POLA1: variants seen among roughly 807,000 people sequenced by gnomAD.
The protein encoded by POLA1 is DNA polymerase alpha 1, catalytic subunit.
A neutral mutation model predicts 124.0 loss-of-function variants in POLA1; 15 were observed. That is an observed-to-expected ratio of 0.12 (90% CI 0.08 to 0.19). POLA1 has a LOEUF of 0.19. POLA1 is among the 10% of genes least tolerant of loss of function. The pLI, the probability that POLA1 is intolerant of heterozygous loss-of-function variation, is 1.00. For missense variants in POLA1, 886 were observed against 1,103.4 expected, an observed-to-expected ratio of 0.80 and a Z score of 2.79; for synonymous variants, 408 against 389.4, an observed-to-expected ratio of 1.05 and a Z score of -0.56.
At chrX:24,962,364 GATTATAAATACC>G (rs2048177619) in intron 36 of POLA1, among the ~76,000 whole-genome samples, 1 of 111,994 alleles carries the variant, frequency 8.9e-6, no homozygotes, top group African/African-American at 3.2e-5. Flanking sequence ...TAATGATTAT[GATTATAAATACC>G]ATTAAACAGA....
chrX:24,909,168 T>C (rs1255040230), intron 35 of POLA1, among the ~76,000 whole-genome samples: 111 of 112,076 alleles, frequency 9.9e-4, no homozygotes, highest in Non-Finnish European at 1.5e-3. Context: ...GCAAAAATTT[T>C]CTCCCATTCT....
intron 36 of POLA1, among the ~76,000 whole-genome samples, chrX:24,956,710 C>T (rs1398392819): frequency 2.7e-5 from 3 of 111,861 alleles, no homozygotes; most frequent in Non-Finnish European, 3.8e-5. Flanking sequence ...GTTTAGAAAA[C>T]GCTAGAATAG....
intron 32 of POLA1, among the ~76,000 whole-genome samples, chrX:24,836,009 C>T (rs2046337142): frequency 1.8e-5 from 2 of 111,580 alleles, no homozygotes; most frequent in Non-Finnish European, 3.8e-5. Flanking sequence ...TTACTGAGCT[C>T]AAGAAACAGT....
Position 24,756,777 on chromosome X carries a change from G to T in POLA1, c.2964+7785G>T, listed in dbSNP as rs1006028005. Among the ~76,000 whole-genome samples, 87 of 110,952 alleles carry T rather than the reference G, an allele frequency of 7.8e-4. 1 individual carries two copies. Among genetic ancestry groups the T allele is most frequent in the Middle Eastern group, 4.6e-3 (1 of 216 alleles). On this transcript the variant is annotated intron_variant, in intron 26 of 36. Transcript: ENST00000379068. ...GATGTGAAAAATGATAAAGAACGCT[G>T]GTTCTTATGTTTCATTTCTGGCCTC... is the stretch of plus-strand genomic sequence containing the variant.
intron 23 of POLA1, among the ~76,000 whole-genome samples, chrX:24,743,982 T>A (rs1931839539): frequency 9.2e-6 from 1 of 108,610 alleles, no homozygotes; most frequent in Non-Finnish European, 1.9e-5. Context: ...AACCTTCACC[T>A]CTTGGGTTCA....
At chrX:24,873,206 GT>G (rs1359187303) in intron 34 of POLA1, among the ~76,000 whole-genome samples, 2 of 111,726 alleles carry the variant, frequency 1.8e-5, no homozygotes, top group Non-Finnish European at 3.8e-5. Context: ...AGACTTTTAG[GT>G]AATATATAGC....
At chrX:24,989,950 C>T (rs757024931) in intron 36 of POLA1, among the ~76,000 whole-genome samples, 1 of 111,659 alleles carries the variant, frequency 9.0e-6, no homozygotes, top group South Asian at 3.7e-4. Context: ...AGTTGTTCAG[C>T]GTATCCAGAA....
chrX:24,809,146 A>G (rs1035864211), intron 26 of POLA1, among the ~76,000 whole-genome samples: 9 of 110,540 alleles, frequency 8.1e-5, no homozygotes, highest in Non-Finnish European at 1.9e-5. Flanking sequence ...CATCTAGCAC[A>G]TGTATTTTAA....
chrX:24,828,758 C>T (rs1019593038), intron 32 of POLA1, among the ~76,000 whole-genome samples: 2 of 111,360 alleles, frequency 1.8e-5, no homozygotes, highest in South Asian at 3.8e-4. Context: ...TAAGGACTTG[C>T]GTAGCCTTGT....
At position 24,730,077 on chromosome X, in the gene POLA1, G is replaced by T. The variant is rs185767807; in HGVS notation, c.1686+2141G>T. Among the ~76,000 whole-genome samples the T allele has an allele frequency of 1.8e-4, 20 of 111,446 alleles. No individual in the cohort carries two copies. The East Asian group carries it at 4.3e-3, about 24-fold the overall frequency. ...CTCCCAAAGTGCTGGAATTACAGGCGTGAGCCACTGCACCCGGCGTGATCT... is the reference window on the plus strand; with the variant it reads ...CTCCCAAAGTGCTGGAATTACAGGCTTGAGCCACTGCACCCGGCGTGATCT... On this transcript the variant is annotated intron_variant, in intron 15 of 36. Transcript: ENST00000379068.
At chrX:24,704,695 C>T (rs1283743948) in intron 4 of POLA1, among the ~76,000 whole-genome samples, 1 of 111,947 alleles carries the variant, frequency 8.9e-6, no homozygotes, top group Admixed American at 9.5e-5. Flanking sequence ...CTCTGTTATT[C>T]AAGTAGTGTG....
intron 36 of POLA1, among the ~76,000 whole-genome samples, chrX:24,933,510 AT>A (rs1287427344): frequency 8.9e-6 from 1 of 111,834 alleles, no homozygotes; most frequent in Non-Finnish European, 1.9e-5. Flanking sequence ...ACACAGTTAT[AT>A]TATTGAGAAT....
chrX:24,840,562 C>T (rs755084753), intron 32 of POLA1, among the ~76,000 whole-genome samples: 1 of 112,137 alleles, frequency 8.9e-6, no homozygotes, highest in Non-Finnish European at 1.9e-5. Context: ...GATTCTGTCA[C>T]TGAATTCTGA....
intron 26 of POLA1, among the ~76,000 whole-genome samples, chrX:24,774,877 G>C (rs1298800081): frequency 3.6e-5 from 4 of 112,054 alleles, no homozygotes; most frequent in Non-Finnish European, 7.5e-5. Flanking sequence ...GGGTTTATGG[G>C]AGTTAGTGAC....
chrX:24,781,078 T>C (rs998495942), intron 26 of POLA1, among the ~76,000 whole-genome samples: 7 of 112,342 alleles, frequency 6.2e-5, no homozygotes, highest in Non-Finnish European at 1.3e-4. Flanking sequence ...GGCACGAAGT[T>C]TTTAAATAAC....
intron 26 of POLA1, among the ~76,000 whole-genome samples, chrX:24,758,291 A>G (rs1023159910): frequency 8.9e-6 from 1 of 112,105 alleles, no homozygotes; most frequent in South Asian, 3.7e-4. Context: ...TGTTGCATTT[A>G]TAGAGATTAA....
chrX:24,973,650 A>G (rs980539751), intron 36 of POLA1, among the ~76,000 whole-genome samples: 1 of 111,890 alleles, frequency 8.9e-6, no homozygotes, highest in Non-Finnish European at 1.9e-5. Context: ...AAATGTAGTT[A>G]TTCTCCAAAG....
intron 36 of POLA1, among the ~76,000 whole-genome samples, chrX:24,985,523 C>T (rs780956860): frequency 3.5e-5 from 4 of 112,772 alleles, no homozygotes; most frequent in Non-Finnish European, 5.6e-5. Context: ...TAGAGAAAGC[C>T]ACTTTCCATT....
intron 35 of POLA1, among the ~76,000 whole-genome samples, chrX:24,923,408 G>A (rs1479391672): frequency 9.0e-6 from 1 of 111,380 alleles, no homozygotes; most frequent in African/African-American, 3.3e-5. Context: ...GGGAAAGAGT[G>A]AAATGCCTCT....
Sources: allele counts gnomAD v4.1 joint callset (sites outside exome capture counted in the v4.1 genomes callset), GRCh38; gene constraint gnomAD v4.1.1; transcripts MANE v1.5; gene names NCBI Gene and HGNC (gene_info 2026-07-23, HGNC 2026-07-21).